GXYLT2: variants seen among roughly 807,000 people sequenced by gnomAD.
GXYLT2 encodes the protein glycosyltransferase 8 domain containing 4.
GXYLT2 carries 53 observed loss-of-function variants against 45.8 expected under a neutral mutation model. The observed-to-expected ratio is 1.16, with a 90% CI of 0.93 to 1.46. The LOEUF (loss-of-function observed/expected upper bound fraction) is 1.46. Ranked by LOEUF, GXYLT2 falls within the 40% of genes most tolerant of loss-of-function variation. The probability of loss-of-function intolerance (pLI) is 0.00; values close to 1 mark genes in which losing one functional copy is unlikely to be tolerated. For missense variants in GXYLT2, 551 were observed against 544.4 expected, an observed-to-expected ratio of 1.01 and a Z score of -0.12; for synonymous variants, 219 against 214.2, an observed-to-expected ratio of 1.02 and a Z score of -0.19.
In GXYLT2 at chr3:72,914,551, G is replaced by GCA. The variant is rs1437018034; in HGVS notation, c.468+5993_468+5994insAC. 5.7e-3 allele frequency among the ~76,000 whole-genome samples: 858 copies of GCA among 151,650 alleles called. 6 individuals are homozygous for GCA. The highest frequency in any genetic ancestry group is 0.017 in the African/African-American group (719 of 41,256). ...TATGTGTGTGTGTGTGTGTGTGCGC[G>GCA]CGCGCGCTTGCGTGCGCATGTATAT... On this transcript the variant is annotated intron_variant, in intron 2 of 6. Transcript: ENST00000389617.
intron 3 of GXYLT2, among the ~76,000 whole-genome samples, chr3:72,951,708 C>A (rs555570691): frequency 6.6e-6 from 1 of 152,306 alleles, no homozygotes; most frequent in East Asian, 1.9e-4. Context: ...CCAAAATGAG[C>A]ATGCTGAAAC....
rs1292695435 is a variant in GXYLT2 at position 72,893,400 on chromosome 3, C to T, written c.275+4892C>T. 2.0e-5 allele frequency among the ~76,000 whole-genome samples: 3 copies of T among 152,326 alleles called. No individual in the cohort carries two copies. In the East Asian group the frequency reaches 5.8e-4, roughly 29 times the overall value. ...CCTCCATTTTTTTCAGGACTATGCTCAAATGTTTTCTCCTGAGAGGGGTCC... is the reference window on the plus strand; with the variant it reads ...CCTCCATTTTTTTCAGGACTATGCTTAAATGTTTTCTCCTGAGAGGGGTCC... On this transcript the variant is annotated intron_variant, in intron 1 of 6. Coordinates refer to ENST00000389617, the MANE Select transcript of GXYLT2 (RefSeq NM_001080393.2).
chr3:72,915,955 G>A (rs1709733898), intron 2 of GXYLT2, among the ~76,000 whole-genome samples: 2 of 152,014 alleles, frequency 1.3e-5, no homozygotes, highest in African/African-American at 4.8e-5. Context: ...CACTGTCCCT[G>A]TGTGGTCCTT....
intron 1 of GXYLT2, chr3:72,907,923 A>C (rs1709541314): frequency 6.3e-6 from 1 of 158,064 alleles, no homozygotes; most frequent in Non-Finnish European, 1.4e-5. Context: ...AGATGATGGG[A>C]ATATCATGTT....
At chr3:72,974,595 A>G (rs1299286799) in intron 6 of GXYLT2, among the ~76,000 whole-genome samples, 1 of 151,972 alleles carries the variant, frequency 6.6e-6, no homozygotes, top group African/African-American at 2.4e-5. Context: ...TTAAGGACCC[A>G]AATTTTTTTT....
chr3:72,906,401 T>C (rs935796209), intron 1 of GXYLT2, among the ~76,000 whole-genome samples: 4 of 152,164 alleles, frequency 2.6e-5, no homozygotes, highest in Non-Finnish European at 4.4e-5. Flanking sequence ...AACTTGGCAC[T>C]GTAGGGAATA....
intron 3 of GXYLT2, among the ~76,000 whole-genome samples, chr3:72,942,619 C>T (rs1258003597): frequency 2.0e-5 from 3 of 152,126 alleles, no homozygotes; most frequent in African/African-American, 7.2e-5. Flanking sequence ...ATCGTATATG[C>T]CCAGGCGTGT....
At chr3:72,969,414 C>T (rs1710942518) in intron 6 of GXYLT2, among the ~76,000 whole-genome samples, 1 of 150,394 alleles carries the variant, frequency 6.6e-6, no homozygotes, top group Non-Finnish European at 1.5e-5. Flanking sequence ...AAAAAATTCA[C>T]GACAGAAGAA....
At chr3:72,969,927 A>AC (rs1553711709) in intron 6 of GXYLT2, among the ~76,000 whole-genome samples, 2 of 146,342 alleles carry the variant, frequency 1.4e-5, no homozygotes, top group Non-Finnish European at 3.0e-5. Context: ...AAAAACAAAA[A>AC]CATTTAAGGC....
intron 2 of GXYLT2, among the ~76,000 whole-genome samples, chr3:72,915,220 A>C (rs1318891590): frequency 6.6e-6 from 1 of 151,894 alleles, no homozygotes; most frequent in African/African-American, 2.4e-5. Flanking sequence ...TAACTAAAAC[A>C]TGGTGAGGAG....
At chr3:72,909,070 T>TC (rs1709567793) in intron 2 of GXYLT2, among the ~76,000 whole-genome samples, 1 of 120,304 alleles carries the variant, frequency 8.3e-6, no homozygotes, top group South Asian at 2.7e-4. Context: ...TTCTTTTTTT[T>TC]TTTTTTTTTT....
chr3:72,913,351 A>G (rs1159669891), intron 2 of GXYLT2, among the ~76,000 whole-genome samples: 1 of 150,952 alleles, frequency 6.6e-6, no homozygotes, highest in South Asian at 2.1e-4. Context: ...TCAGGTTTTT[A>G]TTAAACCAGT....
intron 2 of GXYLT2, among the ~76,000 whole-genome samples, chr3:72,916,112 C>T (rs1036538894): frequency 6.6e-6 from 1 of 150,792 alleles, no homozygotes; most frequent in Non-Finnish European, 1.5e-5. Context: ...CAGTGATGAG[C>T]GTCACTTTTA....
intron 3 of GXYLT2, among the ~76,000 whole-genome samples, chr3:72,936,300 GAAAAAA>G (rs796602781): frequency 1.4e-5 from 1 of 72,566 alleles, no homozygotes; most frequent in Non-Finnish European, 3.3e-5. Flanking sequence ...TCAAAAAAAA[GAAAAAA>G]AAAAAAAAAG....
intron 3 of GXYLT2, among the ~76,000 whole-genome samples, chr3:72,931,916 C>G (rs1710044563): frequency 6.6e-6 from 1 of 151,962 alleles, no homozygotes; most frequent in Non-Finnish European, 1.5e-5. Context: ...AGGGAAGACT[C>G]AAACTACTAA....
intron 3 of GXYLT2, among the ~76,000 whole-genome samples, chr3:72,952,200 A>G (rs1003924080): frequency 2.6e-5 from 4 of 151,830 alleles, no homozygotes; most frequent in South Asian, 2.1e-4. Context: ...ACAGGGTTTC[A>G]GCATATTGGC....
At chr3:72,951,208 T>C (rs1710517744) in intron 3 of GXYLT2, among the ~76,000 whole-genome samples, 1 of 152,186 alleles carries the variant, frequency 6.6e-6, no homozygotes, top group East Asian at 1.9e-4. Flanking sequence ...TTTTGGTCTT[T>C]TGTTTTTTCA....
intron 2 of GXYLT2, among the ~76,000 whole-genome samples, chr3:72,910,148 C>T (rs1709590281): frequency 6.6e-6 from 1 of 152,086 alleles, no homozygotes; most frequent in South Asian, 2.1e-4. Flanking sequence ...GAATATATAG[C>T]ATTTGTTAAG....
In GXYLT2 at chr3:72,950,952, C is replaced by T. The variant is rs1049231935; in HGVS notation, c.601-4146C>T. ...TCCATTACATTATAGCCAGCAGCAT[C>T]GGGTACAGAGTACTATTGTGTGCTG... On this transcript the variant is annotated intron_variant, in intron 3 of 6. Coordinates refer to ENST00000389617, the MANE Select transcript of GXYLT2 (RefSeq NM_001080393.2). 2.6e-5 allele frequency among the ~76,000 whole-genome samples: 4 copies of T among 152,218 alleles called. No individual in the cohort carries two copies. In the South Asian group the frequency reaches 8.3e-4, roughly 32 times the overall value.
Sources: gnomAD v4.1 joint callset for allele counts (sites outside exome capture counted in the v4.1 genomes callset) on GRCh38, gnomAD v4.1.1 for gene constraint, MANE v1.5 for transcripts, NCBI Gene and HGNC (gene_info 2026-07-23, HGNC 2026-07-21) for gene names.